Variants in BAIAP2L1 observed in about 807,000 individuals in gnomAD.
BAIAP2L1 encodes BAR/IMD domain containing adaptor protein 2 like 1.
BAIAP2L1 carries 35 observed loss-of-function variants against 66.3 expected under a neutral mutation model. The observed-to-expected ratio is 0.53, with a 90% CI of 0.40 to 0.70. The LOEUF (loss-of-function observed/expected upper bound fraction) is 0.70, where lower values mean the gene tolerates loss of function less well. Ranked by LOEUF, BAIAP2L1 falls within the 30% of genes least tolerant of loss-of-function variation. The pLI, the probability that BAIAP2L1 is intolerant of heterozygous loss-of-function variation, is 0.00. For missense variants in BAIAP2L1, 622 were observed against 656.9 expected (o/e 0.95, Z 0.58); for synonymous variants, 269 against 248.7 (o/e 1.08, Z -0.77).
chr7:98,323,153 G>C (rs1801294821), intron 3 of BAIAP2L1: 2 of 152,182 alleles, frequency 1.3e-5, no homozygotes, highest in African/African-American at 4.8e-5. Flanking sequence ...TTCCAGAACG[G>C]GGCATGAGAA....
At chr7:98,385,658 C>T (rs1168333790) in intron 1 of BAIAP2L1, 1 of 701,230 alleles carries the variant, frequency 1.4e-6, no homozygotes, top group African/African-American at 1.8e-5. Context: ...AAGCAAGCTG[C>T]CTGCTTCAGC....
chr7:98,338,222 G>A (rs930055255), intron 3 of BAIAP2L1, among the ~76,000 whole-genome samples: 1 of 152,052 alleles, frequency 6.6e-6, no homozygotes, highest in African/African-American at 2.4e-5. Context: ...CACGAGGTCA[G>A]GAGATCGAGA....
At chr7:98,325,222 A>C (rs1328658852) in intron 3 of BAIAP2L1, among the ~76,000 whole-genome samples, 1 of 152,044 alleles carries the variant, frequency 6.6e-6, no homozygotes, top group East Asian at 1.9e-4. Context: ...GTCTCTACTC[A>C]AAATACAAAA....
Position 98,293,197 on chromosome 7 carries a change from C to T in BAIAP2L1, c.*324G>A. 3.4e-6 allele frequency: 1 copy of T among 296,954 alleles called. No individual in the cohort carries two copies. The highest frequency in any genetic ancestry group is 6.1e-6 in the Non-Finnish European group (1 of 162,638). 18.4% of individuals were successfully genotyped at this position (296,954 alleles called of 1,614,324 possible). ...CCAGTCCTGAAAGCATAGACTATCC[C>T]TTATTCTGGCTGTTATTAAGGAAAA... On this transcript the variant is annotated 3_prime_UTR_variant, in exon 14 of 14. Coordinates refer to ENST00000005260, the MANE Select transcript of BAIAP2L1 (RefSeq NM_018842.5).
intron 3 of BAIAP2L1, among the ~76,000 whole-genome samples, chr7:98,340,239 G>A (rs1801708972): frequency 6.6e-6 from 1 of 152,186 alleles, no homozygotes; most frequent in Admixed American, 6.5e-5. Context: ...AGCATGAAGT[G>A]TGAAATGGCT....
At chr7:98,355,588 G>C (rs1802101879) in intron 2 of BAIAP2L1, among the ~76,000 whole-genome samples, 1 of 149,436 alleles carries the variant, frequency 6.7e-6, no homozygotes, top group Non-Finnish European at 1.5e-5. Flanking sequence ...AATTAGCCAG[G>C]CATGGTGGAG....
Position 98,292,975 on chromosome 7 carries a change from TCC to T in BAIAP2L1, c.*544_*545del. 8.4e-7 allele frequency: 1 copy of T among 1,197,354 alleles called. No homozygotes were observed. Among genetic ancestry groups the T allele is most frequent in the Non-Finnish European group, 1.0e-6 (1 of 965,112 alleles). The allele number at this position is 1,197,354 out of a possible 1,614,324, so 74.2% of individuals were successfully genotyped here. A position where few individuals can be genotyped will look rare whatever the true frequency, so the allele number is the denominator to read the frequency against. ...TGGTTGGAGGGAGGGTGGGGGTTTC[TCC>T]ATCTCTGGAAGCTCTACACTTAAAC... On this transcript the variant is annotated 3_prime_UTR_variant, in exon 14 of 14. Coordinates refer to ENST00000005260, the MANE Select transcript of BAIAP2L1 (RefSeq NM_018842.5).
chr7:98,366,240 C>T (rs1802388146), intron 1 of BAIAP2L1, among the ~76,000 whole-genome samples: 2 of 152,172 alleles, frequency 1.3e-5, no homozygotes, highest in Admixed American at 1.3e-4. Context: ...CAGAGTTCTG[C>T]CTCCTCCACC....
chr7:98,376,359 T>C (rs1177146986), intron 1 of BAIAP2L1, among the ~76,000 whole-genome samples: 1 of 151,302 alleles, frequency 6.6e-6, no homozygotes, highest in Non-Finnish European at 1.5e-5. Flanking sequence ...CAAAAAAAAT[T>C]AGCCAGGTGG....
intron 5 of BAIAP2L1, among the ~76,000 whole-genome samples, chr7:98,319,723 G>A (rs1412720513): frequency 2.0e-5 from 3 of 151,640 alleles, no homozygotes; most frequent in Non-Finnish European, 2.9e-5. Context: ...ATTTTTTTTT[G>A]TATTTTGAGT....
chr7:98,397,906 C>G (rs542318744), intron 1 of BAIAP2L1, among the ~76,000 whole-genome samples: 1 of 152,116 alleles, frequency 6.6e-6, no homozygotes, highest in Non-Finnish European at 1.5e-5. Context: ...TGGGAGTTAG[C>G]ATGGATCTCC....
At chr7:98,387,664 A>C (rs1400808182) in intron 1 of BAIAP2L1, among the ~76,000 whole-genome samples, 2 of 151,772 alleles carry the variant, frequency 1.3e-5, no homozygotes, top group Non-Finnish European at 2.9e-5. Context: ...GTTCGAGACC[A>C]GCCTGGCCAA....
At chr7:98,338,638 T>C (rs1801665867) in intron 3 of BAIAP2L1, among the ~76,000 whole-genome samples, 1 of 152,240 alleles carries the variant, frequency 6.6e-6, no homozygotes, top group African/African-American at 2.4e-5. Flanking sequence ...TTCACCCGTA[T>C]TGCAGCATAT....
chr7:98,300,200 G>A (rs1800363119), intron 12 of BAIAP2L1, among the ~76,000 whole-genome samples: 1 of 152,164 alleles, frequency 6.6e-6, no homozygotes, highest in Non-Finnish European at 1.5e-5. Flanking sequence ...ACACATGCTT[G>A]ATCCATGATC....
At chr7:98,395,403 C>T (rs1248119229) in intron 1 of BAIAP2L1, among the ~76,000 whole-genome samples, 3 of 149,908 alleles carry the variant, frequency 2.0e-5, no homozygotes, top group African/African-American at 7.4e-5. Flanking sequence ...TGAGCCACTG[C>T]ACCCCAGCCT....
chr7:98,362,062 C>G lies in BAIAP2L1; in HGVS notation c.127+295G>C, dbSNP rs571710626. 3.6e-4 allele frequency among the ~76,000 whole-genome samples: 55 copies of G among 152,204 alleles called. 1 individual carries two copies. In the South Asian group the frequency reaches 0.011, roughly 31 times the overall value. ...CTGTAGGACCCTAACTTATAAATGT[C>G]TCATGTACACATTTTATATTTGTTA... On this transcript the variant is annotated intron_variant, in intron 2 of 13. Transcript: ENST00000005260.
Position 98,339,051 on chromosome 7 carries a change from C to T in BAIAP2L1, c.214+15991G>A, listed in dbSNP as rs554283681. ...CTGTACCATTGCACTCCAGCCTGGC[C>T]AACAGAGCAAGACTCTGTCTTTAAA... On this transcript the variant is annotated intron_variant, in intron 3 of 13. Coordinates refer to ENST00000005260, the MANE Select transcript of BAIAP2L1 (RefSeq NM_018842.5). Among the ~76,000 whole-genome samples the T allele has an allele frequency of 1.1e-4, 16 of 146,980 alleles. No individual in the cohort carries two copies. In the South Asian group the frequency reaches 3.5e-3, roughly 32 times the overall value.
intron 7 of BAIAP2L1, 32 bp from the exon 8 acceptor site, chr7:98,312,296 AAG>A: frequency 6.3e-7 from 1 of 1,575,216 alleles, no homozygotes; most frequent in Non-Finnish European, 8.6e-7. Flanking sequence ...ACTAAAGACA[AAG>A]AAGATTGTCT....
At chr7:98,388,888 C>T (rs564390073) in intron 1 of BAIAP2L1, among the ~76,000 whole-genome samples, 4 of 151,690 alleles carry the variant, frequency 2.6e-5, no homozygotes, top group African/African-American at 4.8e-5. Flanking sequence ...GCAGGAGGAA[C>T]GCTTTAGCCT....
Sources: gnomAD v4.1 joint callset for allele counts (sites outside exome capture counted in the v4.1 genomes callset) on GRCh38, gnomAD v4.1.1 for gene constraint, MANE v1.5 for transcripts, NCBI Gene and HGNC (gene_info 2026-07-23, HGNC 2026-07-21) for gene names.